Variants in NEBL observed in about 807,000 individuals in gnomAD.
NEBL encodes the protein LIM and SH3 protein 2.
Under a neutral mutation model 140.2 loss-of-function variants are expected in NEBL, and 122 were observed. That is an observed-to-expected ratio of 0.87 (90% CI 0.75 to 1.01). The LOEUF (loss-of-function observed/expected upper bound fraction) is 1.01, where lower values mean the gene tolerates loss of function less well. NEBL is among the 50% of genes least tolerant of loss of function. NEBL has a pLI of 0.00. For missense variants in NEBL, 1,365 were observed against 1,231.3 expected, an observed-to-expected ratio of 1.11 and a Z score of -1.62; for synonymous variants, 436 against 398.9, an observed-to-expected ratio of 1.09 and a Z score of -1.11.
intron 11 of NEBL, among the ~76,000 whole-genome samples, chr10:20,848,120 C>G (rs1842124428): frequency 6.6e-6 from 1 of 152,124 alleles, no homozygotes; most frequent in Non-Finnish European, 1.5e-5. Flanking sequence ...CACATTATCT[C>G]TACAAAACAG....
At chr10:21,225,003 T>C (rs1394854519) in intron 3 of NEBL, among the ~76,000 whole-genome samples, 1 of 152,156 alleles carries the variant, frequency 6.6e-6, no homozygotes, top group Non-Finnish European at 1.5e-5. Flanking sequence ...TTTTTCTCTC[T>C]TGTCTGGTTG....
rs1464640699 is a variant in NEBL, at chr10:21,173,964, G to A, written c.-131C>T. 79 of 1,360,836 alleles carry A rather than the reference G, an allele frequency of 5.8e-5. No individual in the cohort carries two copies. The highest frequency in any genetic ancestry group is 7.1e-5 in the Non-Finnish European group (76 of 1,067,074). The allele number at this position is 1,360,836 out of a possible 1,614,324, so 84.3% of individuals were successfully genotyped here. On this transcript the variant is annotated 5_prime_UTR_variant, in exon 1 of 7. Transcript: ENST00000417816. This position sits in a 1 kb window ranked among gnomAD's most constrained non-coding sequence, Gnocchi z 5.7. ...GCGGGCGGCGGGCGCCGGGTAGGGAGTCGGCGCCGGGCCACGGGTGAGTGC... is the reference window on the plus strand; with the variant it reads ...GCGGGCGGCGGGCGCCGGGTAGGGAATCGGCGCCGGGCCACGGGTGAGTGC...
intron 2 of NEBL, among the ~76,000 whole-genome samples, chr10:21,027,175 G>T (rs1833535320): frequency 6.6e-6 from 1 of 152,014 alleles, no homozygotes; most frequent in Non-Finnish European, 1.5e-5. Context: ...GCTGATTCTT[G>T]TGAAACCTCC....
At chr10:21,060,989 A>G (rs1835249045) in intron 2 of NEBL, among the ~76,000 whole-genome samples, 1 of 151,968 alleles carries the variant, frequency 6.6e-6, no homozygotes, top group Non-Finnish European at 1.5e-5. Context: ...CCCGAGAAAG[A>G]TTTGTTGAAG....
At chr10:21,092,007 A>G (rs1261136694) in intron 2 of NEBL, among the ~76,000 whole-genome samples, 1 of 152,098 alleles carries the variant, frequency 6.6e-6, no homozygotes, top group Non-Finnish European at 1.5e-5. Flanking sequence ...TAACCCTATA[A>G]CATATCTTTT....
At chr10:20,938,123 G>C (rs1030247376) in intron 4 of NEBL, among the ~76,000 whole-genome samples, 5 of 152,226 alleles carry the variant, frequency 3.3e-5, no homozygotes, top group African/African-American at 1.2e-4. Flanking sequence ...GGAGATCTGA[G>C]AATGGACAGA....
At chr10:20,953,659 G>C (rs1835625703) in intron 4 of NEBL, among the ~76,000 whole-genome samples, 4 of 151,876 alleles carry the variant, frequency 2.6e-5, no homozygotes, top group Admixed American at 2.0e-4. Flanking sequence ...ACAATCCTTT[G>C]ATAAAACTAT....
Position 20,781,428 on chromosome 10 carries a change from A to G in NEBL, c.*4319T>C, listed in dbSNP as rs1835030215. ...AAGTTTCACACCATGCCTGTAATAG[A>G]CTTGGTGCTGCTTCCTAAATGCTCA... On this transcript the variant is annotated 3_prime_UTR_variant, in exon 28 of 28. Transcript: ENST00000377122. 1 of 152,200 alleles carries G rather than the reference A, an allele frequency of 6.6e-6. No individual in the cohort carries two copies. The highest frequency in any genetic ancestry group is 2.1e-4 in the South Asian group (1 of 4,832). 9.4% of individuals were successfully genotyped at this position (152,200 alleles called of 1,614,324 possible).
In NEBL at chr10:20,819,529, G is replaced by A. The variant is rs727504904; in HGVS notation, c.1963-13C>T. ...CTTTATACTGGAGCTGAGAGACAAG[G>A]TGCAAGACAGTTTGAGATTATGGGA... On this transcript the variant is annotated splice_polypyrimidine_tract_variant and intron_variant, in intron 19 of 27. Coordinates refer to ENST00000377122, the MANE Select transcript of NEBL (RefSeq NM_006393.3). 9 of 1,613,714 alleles carry A rather than the reference G, an allele frequency of 5.6e-6. 1 individual carries two copies. In the East Asian group the frequency reaches 1.8e-4, roughly 32 times the overall value.
chr10:21,170,020 A>G (rs1261371232), intron 2 of NEBL, among the ~76,000 whole-genome samples: 1 of 152,202 alleles, frequency 6.6e-6, no homozygotes. Flanking sequence ...GTCAAAGTGC[A>G]AAATAGCTCT....
intron 4 of NEBL, among the ~76,000 whole-genome samples, chr10:20,913,559 T>A (rs1468507655): frequency 6.6e-6 from 1 of 152,130 alleles, no homozygotes; most frequent in African/African-American, 2.4e-5. Context: ...AATGAAAAAA[T>A]GTTCAGTTTA....
At chr10:20,923,049 GTTCTTCTTT>G (rs973018189) in intron 4 of NEBL, among the ~76,000 whole-genome samples, 14 of 151,890 alleles carry the variant, frequency 9.2e-5, no homozygotes, top group African/African-American at 1.9e-4. Context: ...TCTCTCTCTT[GTTCTTCTTT>G]TTCTTCTTTT....
At chr10:21,073,589 C>A (rs1370137213) in intron 2 of NEBL, among the ~76,000 whole-genome samples, 2 of 147,188 alleles carry the variant, frequency 1.4e-5, no homozygotes, top group Admixed American at 6.8e-5. Flanking sequence ...TACACTCTAG[C>A]CTGGGTGACA....
chr10:20,862,940 A>G (rs1389853343), intron 7 of NEBL, among the ~76,000 whole-genome samples: 5 of 152,076 alleles, frequency 3.3e-5, no homozygotes, highest in Non-Finnish European at 7.4e-5. Context: ...GGGGTACATT[A>G]TATGTTTTGA....
At chr10:21,044,023 G>A (rs1394343818) in intron 2 of NEBL, among the ~76,000 whole-genome samples, 1 of 152,136 alleles carries the variant, frequency 6.6e-6, no homozygotes, top group Non-Finnish European at 1.5e-5. Flanking sequence ...TTCTTCTACA[G>A]AAAGCTGATG....
intron 16 of NEBL, among the ~76,000 whole-genome samples, chr10:20,829,021 A>G (rs1433777590): frequency 2.6e-5 from 4 of 152,134 alleles, no homozygotes; most frequent in African/African-American, 9.7e-5. Context: ...TGTACTTACT[A>G]TGTAATGGGT....
chr10:21,027,611 T>C (rs1426810467), intron 2 of NEBL, among the ~76,000 whole-genome samples: 1 of 152,140 alleles, frequency 6.6e-6, no homozygotes. Context: ...ATTACAGGCA[T>C]AAGCCACCAC....
chr10:21,205,422 A>T (rs746497531), intron 3 of NEBL, among the ~76,000 whole-genome samples: 2 of 152,230 alleles, frequency 1.3e-5, no homozygotes, highest in Non-Finnish European at 2.9e-5. Context: ...GTCCAAAATC[A>T]AGAGAATATT....
chr10:21,018,908 A>T (rs144182130), intron 3 of NEBL, among the ~76,000 whole-genome samples: 1 of 152,162 alleles, frequency 6.6e-6, no homozygotes, highest in Non-Finnish European at 1.5e-5. Context: ...GGCGCCTGTA[A>T]TCCCAGCTAT....
Sources: gnomAD v4.1 joint callset for allele counts (sites outside exome capture counted in the v4.1 genomes callset) on GRCh38, gnomAD v4.1.1 for gene constraint, Gnocchi (gnomAD v3.1) non-coding constraint, MANE v1.5 for transcripts, NCBI Gene and HGNC (gene_info 2026-07-23, HGNC 2026-07-21) for gene names.